PTGER4: variants seen among roughly 807,000 people sequenced by gnomAD.
PTGER4 encodes the protein prostaglandin E2 receptor EP4 subtype.
PTGER4 carries 11 observed loss-of-function variants against 33.2 expected under a neutral mutation model. The observed-to-expected ratio is 0.33, with a 90% confidence interval of 0.21 to 0.55. The LOEUF (loss-of-function observed/expected upper bound fraction) is 0.55, where lower values mean the gene tolerates loss of function less well. Ranked by LOEUF, PTGER4 falls within the 20% of genes least tolerant of loss-of-function variation. PTGER4 has a pLI of 0.92. For missense variants in PTGER4, 481 were observed against 650.2 expected (o/e 0.74, Z 2.83); for synonymous variants, 275 against 281.5 (o/e 0.98, Z 0.23).
At chr5:40,697,252 A>AAGAT (rs1209764570), downstream of PTGER4, among the ~76,000 whole-genome samples, 1 of 88,770 alleles carries the variant, frequency 1.1e-5, no homozygotes, top group Non-Finnish European at 2.7e-5. Flanking sequence ...GAAAGAAAGA[A>AAGAT]AGAAAGAAAG....
Position 40,692,430 on chromosome 5 carries a change from G to A in PTGER4, c.*52G>A. Reference sequence around the variant, plus strand: ...TTTCTGGACCCTTATAAAATCCTGTGCAATAGACACATACATGTCACATTT... The same window carrying A: ...TTTCTGGACCCTTATAAAATCCTGTACAATAGACACATACATGTCACATTT... On this transcript the variant is annotated 3_prime_UTR_variant, in exon 3 of 3. Transcript: ENST00000302472. The A allele has an allele frequency of 6.6e-7, 1 of 1,518,652 alleles. No homozygotes were observed. The highest frequency in any genetic ancestry group is 8.8e-7 in the Non-Finnish European group (1 of 1,137,174). The allele number at this position is 1,518,652 out of a possible 1,614,324, so 94.1% of individuals were successfully genotyped here. A position where few individuals can be genotyped will look rare whatever the true frequency, so the allele number is the denominator to read the frequency against.
rs999438220 is a variant in PTGER4 at position 40,691,659 on chromosome 5, C to T, written c.868-120C>T. ...GGCTTATTATGTAGCTTCCTCTTTT[C>T]CTGGAACTTGTTACCAGAAATGAAG... is the stretch of plus-strand genomic sequence containing the variant. On this transcript the variant is annotated intron_variant, in intron 2 of 2. Coordinates refer to ENST00000302472, the MANE Select transcript of PTGER4 (RefSeq NM_000958.3). The surrounding 1 kb of genome is among the most constrained non-coding windows in gnomAD (Gnocchi z 4.2). 7.4e-7 allele frequency: 1 copy of T among 1,359,630 alleles called. No individual in the cohort carries two copies. The highest frequency in any genetic ancestry group is 1.5e-5 in the African/African-American group (1 of 68,146). 84.2% of individuals were successfully genotyped at this position (1,359,630 alleles called of 1,614,324 possible).
At chr5:40,690,079 C>T (rs1327110850) in intron 2 of PTGER4, among the ~76,000 whole-genome samples, 1 of 152,048 alleles carries the variant, frequency 6.6e-6, no homozygotes, top group African/African-American at 2.4e-5. Context: ...GTGGCTCACT[C>T]CTGTAATTTT....
At chr5:40,732,034 A>G in the PTGER4 span, among the ~76,000 whole-genome samples, 1 of 152,202 alleles carries the variant, frequency 6.6e-6, no homozygotes, top group Non-Finnish European at 1.5e-5. Flanking sequence ...TTTTTTAAAA[A>G]TTATTTTGAG....
At chr5:40,729,037 T>C in the PTGER4 span, among the ~76,000 whole-genome samples, 1 of 152,196 alleles carries the variant, frequency 6.6e-6, no homozygotes, top group East Asian at 1.9e-4. Context: ...CACTGTGGTC[T>C]GTGGGAAGAG....
chr5:40,734,592 A>C, the PTGER4 span, among the ~76,000 whole-genome samples: 1 of 152,240 alleles, frequency 6.6e-6, no homozygotes, highest in Admixed American at 6.5e-5. Flanking sequence ...ACACTCATTT[A>C]CCAAATAGAA....
At chr5:40,697,230 G>T (rs1462130762), downstream of PTGER4, among the ~76,000 whole-genome samples, 1 of 33,966 alleles carries the variant, frequency 2.9e-5, no homozygotes, top group Non-Finnish European at 6.5e-5. Context: ...AAGAAGAAAA[G>T]AAAGAAAGAA....
rs1425540455 is a variant in PTGER4 at position 40,681,936 on chromosome 5, T to C, written c.867+76T>C. The C allele has an allele frequency of 9.7e-6, 14 of 1,446,422 alleles. No homozygotes were observed. The highest frequency in any genetic ancestry group is 1.2e-5 in the Non-Finnish European group (13 of 1,095,426). 89.6% of individuals were successfully genotyped at this position (1,446,422 alleles called of 1,614,324 possible). A position where few individuals can be genotyped will look rare whatever the true frequency, so the allele number is the denominator to read the frequency against. On this transcript the variant is annotated intron_variant, in intron 2 of 2. Coordinates refer to ENST00000302472, the MANE Select transcript of PTGER4 (RefSeq NM_000958.3). This position sits in a 1 kb window ranked among gnomAD's most constrained non-coding sequence, Gnocchi z 9.8. ...CCCGCGTCCATTCCCCGCTCCCTGC[T>C]TTCCCTCTGAGTCCTTGGCAGTGAA...
At chr5:40,703,829 G>C in the PTGER4 span, among the ~76,000 whole-genome samples, 9 of 140,334 alleles carry the variant, frequency 6.4e-5, no homozygotes, top group Non-Finnish European at 1.4e-4. Context: ...CTTGAACCCG[G>C]GAAGCGGAGG....
Position 40,680,640 on chromosome 5 carries a change from C to T in PTGER4, c.-44+162C>T, listed in dbSNP as rs1579639907. The stretch of plus-strand genomic sequence containing the variant: ...GATTCAGAATCTATCGAGAATAGCA[C>T]TAGCGAGCTACTTTTCCCTTGAGAT... On this transcript the variant is annotated intron_variant, in intron 1 of 2. Coordinates refer to ENST00000302472, the MANE Select transcript of PTGER4 (RefSeq NM_000958.3). This position sits in a 1 kb window ranked among gnomAD's most constrained non-coding sequence, Gnocchi z 5.5. Among the ~76,000 whole-genome samples the T allele has an allele frequency of 1.3e-5, 2 of 152,346 alleles. No individual in the cohort carries two copies. The highest frequency in any genetic ancestry group is 4.8e-5 in the African/African-American group (2 of 41,586).
At chr5:40,704,059 C>A in the PTGER4 span, among the ~76,000 whole-genome samples, 1 of 151,548 alleles carries the variant, frequency 6.6e-6, no homozygotes, top group East Asian at 1.9e-4. Flanking sequence ...AATCAATATC[C>A]TTGATGAACA....
Position 40,691,983 on chromosome 5 carries a change from C to T in PTGER4, c.1072C>T (p.Arg358Cys), listed in dbSNP as rs369471639. The part of the protein sequence containing the change: ...FCRIGGSRRE[R>C]SGQHCSDSQR... Reference sequence around the variant, plus strand: ...CCGCATTGGCGGGTCCCGCAGGGAGCGCTCCGGACAGCACTGCTCAGACAG... The same window carrying T: ...CCGCATTGGCGGGTCCCGCAGGGAGTGCTCCGGACAGCACTGCTCAGACAG... The change falls in exon 3 of 3, where the codon CGC (arginine) becomes TGC (cysteine). Residue 358 changes from arginine to cysteine, a missense_variant. By Grantham distance (180) the Arg-to-Cys change is radical. This residue lies in a region of PTGER4 where 172 missense variants were observed against 199.2 expected (regional missense o/e 0.86). Transcript: ENST00000302472. The surrounding 1 kb of genome is among the most constrained non-coding windows in gnomAD (Gnocchi z 4.2). 136 of 1,613,794 alleles carry T rather than the reference C, an allele frequency of 8.4e-5. 1 individual carries two copies. The highest frequency in any genetic ancestry group is 9.5e-5 in the Non-Finnish European group (112 of 1,180,000).
the PTGER4 span, among the ~76,000 whole-genome samples, chr5:40,726,837 G>A: frequency 1.3e-5 from 2 of 152,020 alleles, no homozygotes; most frequent in Non-Finnish European, 1.5e-5. Flanking sequence ...AGGGAGGCAA[G>A]GAAAAAGTAT....
At chr5:40,723,144 G>A in the PTGER4 span, among the ~76,000 whole-genome samples, 11 of 151,714 alleles carry the variant, frequency 7.3e-5, no homozygotes, top group African/African-American at 2.4e-4. Flanking sequence ...CCCCAACCCC[G>A]TGCTCTCTGA....
At chr5:40,714,046 G>C in the PTGER4 span, among the ~76,000 whole-genome samples, 5 of 152,256 alleles carry the variant, frequency 3.3e-5, no homozygotes, top group South Asian at 1.0e-3. Flanking sequence ...GGGTAAGAAA[G>C]AGACTAACTT....
the PTGER4 span, among the ~76,000 whole-genome samples, chr5:40,735,329 C>T: frequency 2.6e-5 from 4 of 151,890 alleles, no homozygotes; most frequent in East Asian, 7.7e-4. Context: ...TATGAGACAA[C>T]CAAAGTAATT....
Position 40,691,801 on chromosome 5 carries a change from T to C in PTGER4, c.890T>C (p.Leu297Ser). The change falls in exon 3 of 3, where the codon TTA (leucine) becomes TCA (serine). Residue 297 changes from leucine (L) to serine (S), a missense_variant. Around this residue, in one of 7 missense-constraint regions of PTGER4, gnomAD observed 174 missense variants for 210.5 expected, o/e 0.83. Coordinates refer to ENST00000302472, the MANE Select transcript of PTGER4 (RefSeq NM_000958.3). This position sits in a 1 kb window ranked among gnomAD's most constrained non-coding sequence, Gnocchi z 4.2. ...CAGGTGCGAGTATTCGTCAACCAGT[T>C]ATATCAGCCAAGTTTGGAGCGAGAA... The part of the protein sequence containing the change: ...PLVVRVFVNQ[L>S]YQPSLEREVS... 1 of 1,613,924 alleles carries C rather than the reference T, an allele frequency of 6.2e-7. No homozygotes were observed. Among genetic ancestry groups the C allele is most frequent in the Non-Finnish European group, 8.5e-7 (1 of 1,179,898 alleles).
chr5:40,689,746 C>T (rs575585876), intron 2 of PTGER4, among the ~76,000 whole-genome samples: 1 of 152,288 alleles, frequency 6.6e-6, no homozygotes, highest in South Asian at 2.1e-4. Context: ...TTAAATGGCT[C>T]CAGCTATGCT....
intron 2 of PTGER4, among the ~76,000 whole-genome samples, chr5:40,686,058 A>G (rs924878556): frequency 6.6e-6 from 1 of 152,210 alleles, no homozygotes; most frequent in African/African-American, 2.4e-5. Flanking sequence ...CACACCACCC[A>G]GTCAATAATT....
Sources: gnomAD v4.1 joint callset for allele counts (sites outside exome capture counted in the v4.1 genomes callset) on GRCh38, gnomAD v4.1.1 for gene constraint, gnomAD v4.1.1 regional missense constraint, Gnocchi (gnomAD v3.1) non-coding constraint, MANE v1.5 for transcripts, NCBI Gene and HGNC (gene_info 2026-07-23, HGNC 2026-07-21) for gene names.